The following GABRA4 variants were observed in gnomAD, a reference collection of about 807,000 sequenced individuals.
GABRA4 encodes gamma-aminobutyric acid receptor subunit alpha-4.
GABRA4 carries 12 observed loss-of-function variants against 49.7 expected under a neutral mutation model. The observed-to-expected ratio is 0.24, with a 90% CI of 0.15 to 0.39. The LOEUF (loss-of-function observed/expected upper bound fraction) is 0.39. GABRA4 is among the 10% of genes least tolerant of loss of function. The pLI is 1.00. For synonymous variants in GABRA4, 288 were observed against 240.2 expected (o/e 1.20, Z -1.84); for missense variants, 506 against 686.0 (o/e 0.74, Z 2.93).
At chr4:46,973,957 T>A (rs768327556) in intron 6 of GABRA4, among the ~76,000 whole-genome samples, 1 of 151,816 alleles carries the variant, frequency 6.6e-6, no homozygotes, top group Non-Finnish European at 1.5e-5. Context: ...CACATAATTT[T>A]GTGAAAATAA....
At chr4:46,965,615 C>A (rs1230397563) in intron 7 of GABRA4, among the ~76,000 whole-genome samples, 1 of 151,724 alleles carries the variant, frequency 6.6e-6, no homozygotes, top group African/African-American at 2.4e-5. Context: ...ACTCAACAGA[C>A]ACACACCTCT....
intron 2 of GABRA4, among the ~76,000 whole-genome samples, chr4:46,982,919 T>C (rs1300064867): frequency 6.6e-6 from 1 of 151,996 alleles, no homozygotes; most frequent in Admixed American, 6.6e-5. Flanking sequence ...GCTGGTATGC[T>C]CACAGGGTGT....
intron 8 of GABRA4, among the ~76,000 whole-genome samples, chr4:46,956,686 G>C (rs537526492): frequency 6.6e-6 from 1 of 151,912 alleles, no homozygotes; most frequent in Non-Finnish European, 1.5e-5. Context: ...TCCTGCTGCG[G>C]CTCACCACTT....
chr4:46,929,831 G>C (rs1003936588), intron 8 of GABRA4, among the ~76,000 whole-genome samples: 2 of 151,962 alleles, frequency 1.3e-5, no homozygotes, highest in Non-Finnish European at 2.9e-5. Context: ...AGTAGATGGT[G>C]AGTGAAAAAA....
intron 8 of GABRA4, among the ~76,000 whole-genome samples, chr4:46,960,064 A>G (rs871207): frequency 0.52 from 78,469 of 150,708 alleles, 20,738 homozygotes; most frequent in East Asian, 0.7. Context: ...ACATGAAGAA[A>G]GAAAGAATAA....
intron 5 of GABRA4, among the ~76,000 whole-genome samples, chr4:46,975,103 C>T (rs1167186894): frequency 1.3e-5 from 2 of 151,960 alleles, no homozygotes; most frequent in Non-Finnish European, 2.9e-5. Flanking sequence ...TGGAGAACAG[C>T]TGCTTGCTTA....
intron 8 of GABRA4, among the ~76,000 whole-genome samples, chr4:46,939,693 C>T (rs947509743): frequency 5.3e-5 from 8 of 151,874 alleles, no homozygotes; most frequent in Non-Finnish European, 1.5e-5. Flanking sequence ...CCTAAGTGAT[C>T]TTTGTAAACA....
At chr4:46,983,061 C>T (rs1042092280) in intron 2 of GABRA4, among the ~76,000 whole-genome samples, 37 of 152,014 alleles carry the variant, frequency 2.4e-4, no homozygotes, top group African/African-American at 8.5e-4. Flanking sequence ...CCTCCAAAGG[C>T]GCTATCCTCA....
chr4:46,919,765 T>C lies in GABRA4; in HGVS notation c.*8460A>G, dbSNP rs1720904949. 1 of 151,690 alleles carries C rather than the reference T, an allele frequency of 6.6e-6. No homozygotes were observed. The highest frequency in any genetic ancestry group is 1.5e-5 in the Non-Finnish European group (1 of 67,664). The allele number at this position is 151,690 out of a possible 1,614,324, so 9.4% of individuals were successfully genotyped here. A position where few individuals can be genotyped will look rare whatever the true frequency, so the allele number is the denominator to read the frequency against. On this transcript the variant is annotated 3_prime_UTR_variant, in exon 9 of 9. Coordinates refer to ENST00000264318, the MANE Select transcript of GABRA4 (RefSeq NM_000809.4). ...ATTTCTTCTGGAGTTTTCAACATTTTCAGAATCAAAGTAATTATCAGGGGA... is the reference window on the plus strand; with the variant it reads ...ATTTCTTCTGGAGTTTTCAACATTTCCAGAATCAAAGTAATTATCAGGGGA...
chr4:46,929,345 A>G lies in GABRA4; in HGVS notation c.1135-590T>C, dbSNP rs1252784691. Among the ~76,000 whole-genome samples the G allele has an allele frequency of 2.0e-5, 3 of 152,032 alleles. No individual in the cohort carries two copies. The East Asian group carries it at 5.8e-4, about 29-fold the overall frequency. On this transcript the variant is annotated intron_variant, in intron 8 of 8. Transcript: ENST00000264318. Reference sequence around the variant, plus strand: ...AGTACACATTATTATGAAATCTAATAATACTGACATATTTTATTTTTCACT... The same window carrying G: ...AGTACACATTATTATGAAATCTAATGATACTGACATATTTTATTTTTCACT...
chr4:46,959,298 T>G (rs1722476123), intron 8 of GABRA4, among the ~76,000 whole-genome samples: 3 of 151,954 alleles, frequency 2.0e-5, no homozygotes, highest in Non-Finnish European at 4.4e-5. Context: ...ATCACTGTCT[T>G]TAGACCACAG....
At chr4:46,987,147 T>G (rs945966128) in intron 2 of GABRA4, among the ~76,000 whole-genome samples, 5 of 152,176 alleles carry the variant, frequency 3.3e-5, no homozygotes, top group African/African-American at 4.8e-5. Context: ...CCTGCAAAGC[T>G]GTACACAACC....
intron 8 of GABRA4, among the ~76,000 whole-genome samples, chr4:46,956,443 T>TA (rs1452164225): frequency 6.6e-6 from 1 of 152,106 alleles, no homozygotes; most frequent in Non-Finnish European, 1.5e-5. Flanking sequence ...GAAACTGACC[T>TA]AGTTTATATA....
intron 8 of GABRA4, among the ~76,000 whole-genome samples, chr4:46,956,799 A>G (rs1036498804): frequency 9.9e-5 from 15 of 152,216 alleles, no homozygotes; most frequent in African/African-American, 3.4e-4. Context: ...TAAAAGTACC[A>G]CATTTCCTAT....
Position 46,992,888 on chromosome 4 carries a change from T to A in GABRA4, c.145A>T (p.Thr49Ser). 6.2e-7 allele frequency: 1 copy of A among 1,612,800 alleles called. No individual in the cohort carries two copies. The highest frequency in any genetic ancestry group is 2.2e-5 in the East Asian group (1 of 44,796). Residue 49 changes from threonine to serine, a missense_variant, in exon 2 of 9, where the codon ACC (threonine) becomes TCC (serine). Thr to Ser is a moderately conservative substitution (Grantham distance 58). Coordinates refer to ENST00000264318, the MANE Select transcript of GABRA4 (RefSeq NM_000809.4). ...TCGAGCAAACTGTCCAGGATGCGGG[T>A]GAAATTTTCTGTGCACAATTTCTCC... The part of the protein sequence containing the change: ...KEEKLCTENF[T>S]RILDSLLDGY...
chr4:46,979,131 A>G (rs1475757202), intron 2 of GABRA4, 33 bp from the exon 3 acceptor site: 1 of 1,325,944 alleles, frequency 7.5e-7, no homozygotes, highest in Non-Finnish European at 1.1e-6. Flanking sequence ...GTGTGAAAAA[A>G]TAATTACCAA....
intron 7 of GABRA4, among the ~76,000 whole-genome samples, chr4:46,970,847 T>C (rs916082139): frequency 6.6e-6 from 1 of 151,572 alleles, no homozygotes; most frequent in Non-Finnish European, 1.5e-5. Flanking sequence ...ATTTGGTCTA[T>C]GCCTGTCTGG....
In GABRA4 at chr4:46,944,276, C is replaced by A. The variant is rs968742133; in HGVS notation, c.1135-15521G>T. Among the ~76,000 whole-genome samples, 8 of 152,172 alleles carry A rather than the reference C, an allele frequency of 5.3e-5. 2 individuals are homozygous for A. Among genetic ancestry groups the A allele is most frequent in the Admixed American group, 1.3e-4 (2 of 15,272 alleles). Reference sequence around the variant, plus strand: ...TACATTTTCAATGTAAATAACACTGCTAAGTGAACCTAATCAACAAAAGAC... The same window carrying A: ...TACATTTTCAATGTAAATAACACTGATAAGTGAACCTAATCAACAAAAGAC... On this transcript the variant is annotated intron_variant, in intron 8 of 8. Coordinates refer to ENST00000264318, the MANE Select transcript of GABRA4 (RefSeq NM_000809.4).
At chr4:46,956,210 T>C (rs1431800082) in intron 8 of GABRA4, among the ~76,000 whole-genome samples, 1 of 152,034 alleles carries the variant, frequency 6.6e-6, no homozygotes. Context: ...CTTATTTATA[T>C]AAAATTTAAA....
Sources: allele counts gnomAD v4.1 joint callset (sites outside exome capture counted in the v4.1 genomes callset), GRCh38; gene constraint gnomAD v4.1.1; transcripts MANE v1.5; gene names NCBI Gene and HGNC (gene_info 2026-07-23, HGNC 2026-07-21).